Variants in KIAA2012 observed in about 807,000 individuals in gnomAD.
The protein encoded by KIAA2012 is uncharacterized protein KIAA2012.
KIAA2012 carries 125 observed loss-of-function variants against 150.6 expected under a neutral mutation model. The observed-to-expected ratio is 0.83, with a 90% CI of 0.72 to 0.96. The LOEUF (loss-of-function observed/expected upper bound fraction) is 0.96. Among genes scored for constraint, KIAA2012 ranks in the 40% least tolerant of loss-of-function variants. KIAA2012 has a pLI of 0.00. For synonymous variants in KIAA2012, 462 were observed against 504.7 expected, an observed-to-expected ratio of 0.92 and a Z score of 1.13; for missense variants, 1,219 against 1,354.9, an observed-to-expected ratio of 0.90 and a Z score of 1.57.
intron 4 of KIAA2012, among the ~76,000 whole-genome samples, chr2:202,096,399 A>T (rs570702781): frequency 1.3e-5 from 2 of 152,266 alleles, no homozygotes; most frequent in South Asian, 4.1e-4. Flanking sequence ...CTGAACCTGA[A>T]CCTGAGCCTG....
At chr2:202,128,956 G>A (rs768681453) in intron 12 of KIAA2012, among the ~76,000 whole-genome samples, 9 of 151,944 alleles carry the variant, frequency 5.9e-5, no homozygotes, top group Non-Finnish European at 1.0e-4. Flanking sequence ...TGGGCCAGGC[G>A]CAATGGCTCA....
chr2:202,144,490 C>T (rs1465411422), intron 13 of KIAA2012, among the ~76,000 whole-genome samples: 1 of 152,060 alleles, frequency 6.6e-6, no homozygotes, highest in African/African-American at 2.4e-5. Flanking sequence ...CAGCTCTCCT[C>T]TTTCAGGACC....
chr2:202,150,072 T>A (rs1691391162), intron 13 of KIAA2012, among the ~76,000 whole-genome samples: 1 of 152,238 alleles, frequency 6.6e-6, no homozygotes, highest in African/African-American at 2.4e-5. Flanking sequence ...CTGAATCACA[T>A]TGTGTTTACA....
chr2:202,110,391 A>T (rs543963058), intron 10 of KIAA2012, among the ~76,000 whole-genome samples: 10 of 152,352 alleles, frequency 6.6e-5, no homozygotes, highest in Admixed American at 5.2e-4. Flanking sequence ...CGGGGCTTCC[A>T]TCTAAAGGTA....
At chr2:202,146,536 G>A (rs1243785021) in intron 13 of KIAA2012, among the ~76,000 whole-genome samples, 1 of 151,320 alleles carries the variant, frequency 6.6e-6, no homozygotes, top group Non-Finnish European at 1.5e-5. Flanking sequence ...GGAGCCTGAG[G>A]CAGAAGAATC....
chr2:202,150,339 AT>A (rs1430000717), intron 13 of KIAA2012, among the ~76,000 whole-genome samples: 1 of 152,204 alleles, frequency 6.6e-6, no homozygotes, highest in Non-Finnish European at 1.5e-5. Flanking sequence ...GCAGTACAAT[AT>A]AGGTGAAGGG....
At chr2:202,117,224 A>G (rs1690550126) in intron 11 of KIAA2012, among the ~76,000 whole-genome samples, 1 of 152,252 alleles carries the variant, frequency 6.6e-6, no homozygotes. Context: ...CTAGTATTCT[A>G]GATAACTAGT....
In KIAA2012 at chr2:202,194,224, C is replaced by T. The variant is rs961543758; in HGVS notation, c.3049C>T (p.Arg1017Trp). Residue 1017 changes from arginine to tryptophan, a missense_variant, in exon 21 of 24, where the codon CGG (arginine) becomes TGG (tryptophan). Transcript: ENST00000498697. ...RKQRLQEEQQ[R>W]QEEEERKQQL... ...ACAGAGACTCCAAGAAGAACAGCAG[C>T]GGCAGGAGGAGGAGGAGAGAAAGCA... 2.8e-5 allele frequency: 43 copies of T among 1,550,384 alleles called. No individual in the cohort carries two copies. In the Admixed American group the frequency reaches 3.3e-4, roughly 12 times the overall value.
chr2:202,145,135 T>C (rs965962965), intron 13 of KIAA2012, among the ~76,000 whole-genome samples: 5 of 152,142 alleles, frequency 3.3e-5, no homozygotes, highest in African/African-American at 1.2e-4. Context: ...GCTTCTGCAT[T>C]TCCCCATCAA....
chr2:202,099,525 T>C (rs1472458081), intron 5 of KIAA2012, 88 bp from the exon 6 acceptor site: 1 of 1,095,964 alleles, frequency 9.1e-7, no homozygotes, highest in Non-Finnish European at 1.3e-6. Context: ...CTTGAAACCA[T>C]AAGCCTAGCC....
At chr2:202,107,310 T>C (rs1690222913) in intron 9 of KIAA2012, among the ~76,000 whole-genome samples, 2 of 151,996 alleles carry the variant, frequency 1.3e-5, no homozygotes, top group African/African-American at 4.8e-5. Flanking sequence ...AACATTCAGG[T>C]TTCGAGAATG....
At chr2:202,078,986 A>C (rs2105908223) in intron 2 of KIAA2012, among the ~76,000 whole-genome samples, 1 of 152,316 alleles carries the variant, frequency 6.6e-6, no homozygotes, top group South Asian at 2.1e-4. Flanking sequence ...ATCTGAGGTC[A>C]GGAGTTCGAG....
rs188532127 is a variant in KIAA2012 at position 202,093,125 on chromosome 2, T to C, written c.625T>C (p.Tyr209His). Residue 209 changes from tyrosine (Y) to histidine (H), a missense_variant, in exon 4 of 24, where the codon TAC (tyrosine) becomes CAC (histidine). Transcript: ENST00000498697. ...AGATCTTTCAGGTGTACCCCCAAAATACCATCTCCTGCCTGTCTTCCCTTC... is the reference window on the plus strand; with the variant it reads ...AGATCTTTCAGGTGTACCCCCAAAACACCATCTCCTGCCTGTCTTCCCTTC... ...QQDLSGVPPK[Y>H]HLLPVFPSFW... 3.6e-3 allele frequency: 5,647 copies of C among 1,551,108 alleles called. 21 individuals carry two copies. The highest frequency in any genetic ancestry group is 4.0e-3 in the Non-Finnish European group (4,572 of 1,147,072).
intron 3 of KIAA2012, 43 bp from the exon 4 acceptor site, chr2:202,092,987 G>A: frequency 6.6e-7 from 1 of 1,516,626 alleles, no homozygotes; most frequent in Non-Finnish European, 8.9e-7. Flanking sequence ...ACTTGAAGTT[G>A]GCTACCACTA....
At chr2:202,081,543 C>CTTTTTT (rs71025274) in intron 2 of KIAA2012, among the ~76,000 whole-genome samples, 1 of 112,764 alleles carries the variant, frequency 8.9e-6, no homozygotes, top group Non-Finnish European at 1.9e-5. Flanking sequence ...TTTTTAAACA[C>CTTTTTT]TTTTTTTTTT....
chr2:202,123,193 G>A (rs776923923), intron 11 of KIAA2012, among the ~76,000 whole-genome samples: 1 of 152,188 alleles, frequency 6.6e-6, no homozygotes, highest in Non-Finnish European at 1.5e-5. Flanking sequence ...CGGTGGCGGT[G>A]ACAGACGGTG....
rs936721197 is a variant in KIAA2012 at position 202,105,819 on chromosome 2, A to G, written c.1383A>G (p.Arg461=). 1 of 1,550,482 alleles carries G rather than the reference A, an allele frequency of 6.4e-7. No homozygotes were observed. The highest frequency in any genetic ancestry group is 8.7e-7 in the Non-Finnish European group (1 of 1,146,990). ...ESSEESTPVW[R]PPLKHASLET... ...GCGAAGAATCCACACCTGTGTGGAG[A>G]CCTCCCCTGAAGCATGCGTCCTTAG... is the stretch of plus-strand genomic sequence containing the variant. The change falls in exon 9 of 24, where the codon AGA becomes AGG. Residue 461 remains arginine (R), a synonymous_variant. Transcript: ENST00000498697.
At chr2:202,105,258 AG>A (rs1690154027) in intron 8 of KIAA2012, among the ~76,000 whole-genome samples, 1 of 147,580 alleles carries the variant, frequency 6.8e-6, no homozygotes, top group Non-Finnish European at 1.5e-5. Context: ...GGAGGGAGAG[AG>A]GAAAGGAAGG....
intron 4 of KIAA2012, among the ~76,000 whole-genome samples, chr2:202,096,912 G>A (rs1244297785): frequency 6.6e-6 from 1 of 152,188 alleles, no homozygotes; most frequent in East Asian, 1.9e-4. Flanking sequence ...AGTTCAGAGA[G>A]CTAAACAGCA....
Sources: gnomAD v4.1 joint callset for allele counts (sites outside exome capture counted in the v4.1 genomes callset) on GRCh38, gnomAD v4.1.1 for gene constraint, MANE v1.5 for transcripts, NCBI Gene and HGNC (gene_info 2026-07-23, HGNC 2026-07-21) for gene names.